The following NGEF variants were observed in gnomAD, a reference collection of about 807,000 sequenced individuals.
NGEF encodes the protein ephexin-1.
Under a neutral mutation model 80.9 loss-of-function variants are expected in NGEF, and 31 were observed. That is an observed-to-expected ratio of 0.38 (90% CI 0.29 to 0.52). The LOEUF (loss-of-function observed/expected upper bound fraction) is 0.52, where lower values mean the gene tolerates loss of function less well. Ranked by LOEUF, NGEF falls within the 20% of genes least tolerant of loss-of-function variation. The pLI is 0.84. For missense variants in NGEF, 709 were observed against 926.2 expected (o/e 0.77, Z 3.04); for synonymous variants, 371 against 370.2 (o/e 1.00, Z -0.03).
intron 3 of NGEF, among the ~76,000 whole-genome samples, chr2:232,966,222 T>C (rs1181846665): frequency 1.3e-5 from 2 of 152,080 alleles, no homozygotes; most frequent in Non-Finnish European, 2.9e-5. Context: ...TGGGGGTCCT[T>C]AGACATGCCT....
intron 3 of NGEF, among the ~76,000 whole-genome samples, chr2:232,949,910 CA>C (rs1693645051): frequency 6.6e-6 from 1 of 151,904 alleles, no homozygotes; most frequent in African/African-American, 2.4e-5. Flanking sequence ...CTCCTGGGTT[CA>C]AGTGATTCTC....
At chr2:232,891,954 G>A (rs1159250985) in intron 7 of NGEF, among the ~76,000 whole-genome samples, 1 of 151,294 alleles carries the variant, frequency 6.6e-6, no homozygotes, top group African/African-American at 2.4e-5. Context: ...TCGGCCCCAT[G>A]CATGTCAGCA....
intron 3 of NGEF, among the ~76,000 whole-genome samples, chr2:232,945,857 T>C (rs1299905788): frequency 1.7e-5 from 2 of 116,150 alleles, no homozygotes; most frequent in Non-Finnish European, 3.7e-5. Flanking sequence ...TCTCACAACA[T>C]ACTGATGTTG....
intron 2 of NGEF, among the ~76,000 whole-genome samples, chr2:232,971,675 C>T (rs1317507093): frequency 4.6e-5 from 7 of 152,088 alleles, no homozygotes; most frequent in African/African-American, 1.2e-4. Context: ...GGTGACAGAG[C>T]GAGACTCCAT....
At chr2:232,941,262 C>T (rs772270924) in intron 3 of NGEF, among the ~76,000 whole-genome samples, 1 of 152,090 alleles carries the variant, frequency 6.6e-6, no homozygotes, top group African/African-American at 2.4e-5. Flanking sequence ...ATCTCAAGCA[C>T]TGATCTTAGG....
chr2:232,881,127 G>T lies in NGEF; in HGVS notation c.1942+19C>A. The T allele has an allele frequency of 6.2e-7, 1 of 1,605,530 alleles. No individual in the cohort carries two copies. Among genetic ancestry groups the T allele is most frequent in the Non-Finnish European group, 8.5e-7 (1 of 1,175,156 alleles). ...GCAAGTTCCCCTGGGGGCCCCGAGG[G>T]GAGGTCCCTGGGCCTCACCGTCGTC... On this transcript the variant is annotated intron_variant, in intron 14 of 14. Coordinates refer to ENST00000264051, the MANE Select transcript of NGEF (RefSeq NM_019850.3).
At chr2:233,006,838 A>C (rs1011894396) in intron 1 of NGEF, among the ~76,000 whole-genome samples, 3 of 152,130 alleles carry the variant, frequency 2.0e-5, no homozygotes, top group Non-Finnish European at 4.4e-5. Context: ...GACTCATCCG[A>C]GGTCACACAG....
intron 5 of NGEF, among the ~76,000 whole-genome samples, chr2:232,919,411 T>C (rs2106275035): frequency 6.6e-6 from 1 of 151,960 alleles, no homozygotes; most frequent in East Asian, 1.9e-4. Flanking sequence ...TGGAACTGGG[T>C]GGACAAAGTG....
intron 3 of NGEF, among the ~76,000 whole-genome samples, chr2:232,929,614 AGCCAAGCACC>A (rs1485020240): frequency 2.0e-5 from 3 of 152,148 alleles, no homozygotes; most frequent in Non-Finnish European, 4.4e-5. Context: ...TCTTTTCCCA[AGCCAAGCACC>A]GCCCTTCCTT....
chr2:233,008,763 C>T (rs567747212), intron 1 of NGEF, among the ~76,000 whole-genome samples: 1 of 151,460 alleles, frequency 6.6e-6, no homozygotes, highest in South Asian at 2.1e-4. Context: ...ATAGATATTT[C>T]TTTTTCCTTT....
intron 4 of NGEF, among the ~76,000 whole-genome samples, chr2:232,924,620 G>C (rs999279239): frequency 6.6e-6 from 1 of 152,182 alleles, no homozygotes; most frequent in Non-Finnish European, 1.5e-5. Context: ...GATGCCTGGA[G>C]CTATGGCAGC....
intron 10 of NGEF, 192 bp downstream of exon 10, chr2:232,885,088 C>A: frequency 1.7e-6 from 1 of 592,700 alleles, no homozygotes; most frequent in Non-Finnish European, 3.0e-6. Context: ...TCCGGACCAC[C>A]GTGGTGGTGT....
At chr2:232,948,279 C>G (rs1330180771) in intron 3 of NGEF, among the ~76,000 whole-genome samples, 1 of 151,956 alleles carries the variant, frequency 6.6e-6, no homozygotes, top group Non-Finnish European at 1.5e-5. Flanking sequence ...CCCCCGCCTT[C>G]TGGGTTAAAG....
intron 5 of NGEF, among the ~76,000 whole-genome samples, chr2:232,903,754 G>A (rs748378140): frequency 2.0e-5 from 3 of 152,160 alleles, no homozygotes; most frequent in Non-Finnish European, 4.4e-5. Context: ...CTGAATTGTT[G>A]AGGGTTTAAT....
chr2:232,974,958 T>C lies in NGEF; in HGVS notation c.-68A>G. ...AATGACTTTCCCAAGCTTCACTGGT[T>C]TGAGTGCTTTAGAATAGATAGAAAA... On this transcript the variant is annotated 5_prime_UTR_variant, in exon 2 of 15. Transcript: ENST00000264051. The C allele has an allele frequency of 6.6e-7, 1 of 1,523,972 alleles. No homozygotes were observed. Among genetic ancestry groups the C allele is most frequent in the Non-Finnish European group, 8.9e-7 (1 of 1,123,610 alleles). 94.4% of individuals were successfully genotyped at this position (1,523,972 alleles called of 1,614,324 possible). A position where few individuals can be genotyped will look rare whatever the true frequency, so the allele number is the denominator to read the frequency against.
At chr2:232,961,031 C>T (rs1446117480) in intron 3 of NGEF, among the ~76,000 whole-genome samples, 1 of 152,180 alleles carries the variant, frequency 6.6e-6, no homozygotes, top group East Asian at 1.9e-4. Context: ...GCCCAGCTCA[C>T]CATGACTCAC....
intron 5 of NGEF, among the ~76,000 whole-genome samples, chr2:232,900,525 C>T (rs1388694050): frequency 2.4e-5 from 3 of 127,626 alleles, no homozygotes; most frequent in East Asian, 2.3e-4. Flanking sequence ...CACTTAGACA[C>T]ATGCTCTCAC....
intron 3 of NGEF, among the ~76,000 whole-genome samples, chr2:232,937,924 C>T (rs969986652): frequency 1.3e-5 from 2 of 152,052 alleles, no homozygotes; most frequent in Admixed American, 6.6e-5. Context: ...AAACTGGATT[C>T]GGTGTTTTAG....
chr2:232,945,148 C>T (rs919029097), intron 3 of NGEF, among the ~76,000 whole-genome samples: 2 of 151,736 alleles, frequency 1.3e-5, no homozygotes, highest in African/African-American at 4.8e-5. Context: ...GAAAATAAAC[C>T]AAAACAAATG....
Sources: gnomAD v4.1 joint callset for allele counts (sites outside exome capture counted in the v4.1 genomes callset) on GRCh38, gnomAD v4.1.1 for gene constraint, MANE v1.5 for transcripts, NCBI Gene and HGNC (gene_info 2026-07-23, HGNC 2026-07-21) for gene names.